The following PHLPP1 variants were observed in gnomAD, a reference collection of about 807,000 sequenced individuals.
The protein encoded by PHLPP1 is PH domain leucine-rich repeat-containing protein phosphatase 1.
In PHLPP1, 42 loss-of-function variants were observed where a neutral mutation model predicts 117.2. That is an observed-to-expected ratio of 0.36 (90% CI 0.28 to 0.46). The LOEUF (loss-of-function observed/expected upper bound fraction) is 0.46. PHLPP1 is among the 20% of genes least tolerant of loss of function. The pLI is 1.00. For missense variants in PHLPP1, 2,084 were observed against 2,241.9 expected (o/e 0.93, Z 1.42); for synonymous variants, 1,042 against 970.7 (o/e 1.07, Z -1.37).
chr18:62,874,675 A>G (rs1185929176), intron 4 of PHLPP1, among the ~76,000 whole-genome samples: 7 of 151,370 alleles, frequency 4.6e-5, no homozygotes, highest in African/African-American at 1.5e-4. Context: ...ACACACACAC[A>G]CACACACACA....
chr18:62,740,199 A>T (rs1256648067), intron 1 of PHLPP1, among the ~76,000 whole-genome samples: 1 of 152,200 alleles, frequency 6.6e-6, no homozygotes, highest in South Asian at 2.1e-4. Flanking sequence ...GAAAGGCAGG[A>T]TGTTCAGAAG....
chr18:62,759,550 A>T (rs1046960473), intron 1 of PHLPP1, among the ~76,000 whole-genome samples: 1 of 152,260 alleles, frequency 6.6e-6, no homozygotes, highest in Non-Finnish European at 1.5e-5. Flanking sequence ...TCTTGAACAT[A>T]CTAAATATTT....
intron 1 of PHLPP1, among the ~76,000 whole-genome samples, chr18:62,802,927 A>G (rs1913827860): frequency 6.6e-6 from 1 of 152,214 alleles, no homozygotes; most frequent in African/African-American, 2.4e-5. Flanking sequence ...TTGGTAAGGA[A>G]CGGCATGTTG....
chr18:62,867,347 C>T (rs1002540592), intron 4 of PHLPP1, among the ~76,000 whole-genome samples: 6 of 152,204 alleles, frequency 3.9e-5, no homozygotes, highest in Non-Finnish European at 8.8e-5. Context: ...TCTCACGCCC[C>T]ATCTACCCCA....
At chr18:62,743,193 T>G (rs906083574) in intron 1 of PHLPP1, among the ~76,000 whole-genome samples, 17 of 152,332 alleles carry the variant, frequency 1.1e-4, no homozygotes, top group African/African-American at 3.8e-4. Context: ...AGTATTATTT[T>G]CTGTTCTTTT....
rs1300358928 is a variant in PHLPP1 at position 62,975,380 on chromosome 18, CT to C, written c.3756-16del. The C allele has an allele frequency of 6.3e-6, 10 of 1,583,454 alleles. No individual in the cohort carries two copies. The highest frequency in any genetic ancestry group is 8.7e-6 in the Non-Finnish European group (10 of 1,153,384). On this transcript the variant is annotated splice_polypyrimidine_tract_variant and intron_variant, in intron 15 of 16. Coordinates refer to ENST00000262719, the MANE Select transcript of PHLPP1 (RefSeq NM_194449.4). ...ATGGGCTGTGTTTGAGTGTCACCCC[CT>C]CTCTTCGGATTCCAGGAAACTTGGA...
At chr18:62,777,558 C>G (rs1912998239) in intron 1 of PHLPP1, among the ~76,000 whole-genome samples, 1 of 151,118 alleles carries the variant, frequency 6.6e-6, no homozygotes, top group Admixed American at 6.6e-5. Flanking sequence ...TTTTGAAAAG[C>G]AGAAGTTAAA....
Position 62,850,185 on chromosome 18 carries a change from T to C in PHLPP1, c.1900-10250T>C, listed in dbSNP as rs537252180. On this transcript the variant is annotated intron_variant, in intron 3 of 16. Transcript: ENST00000262719. Reference sequence around the variant, plus strand: ...CAGGTGGATCACAAGGTCAGGAGTTTGAGACCAGCCTGGCCAACATGGTGA... The same window carrying C: ...CAGGTGGATCACAAGGTCAGGAGTTCGAGACCAGCCTGGCCAACATGGTGA... 1.7e-4 allele frequency among the ~76,000 whole-genome samples: 26 copies of C among 151,638 alleles called. No homozygotes were observed. In the South Asian group the frequency reaches 5.2e-3, roughly 30 times the overall value.
intron 1 of PHLPP1, among the ~76,000 whole-genome samples, chr18:62,825,915 G>A (rs7229841): frequency 0.2 from 30,774 of 152,018 alleles, 4,438 homozygotes; most frequent in African/African-American, 0.41. Flanking sequence ...AAGAAGAGAT[G>A]AAAAAGATAA....
At chr18:62,802,526 C>T (rs1157888502) in intron 1 of PHLPP1, among the ~76,000 whole-genome samples, 1 of 152,162 alleles carries the variant, frequency 6.6e-6, no homozygotes, top group Non-Finnish European at 1.5e-5. Flanking sequence ...GTAGGGATAG[C>T]AGGACATGGA....
intron 1 of PHLPP1, among the ~76,000 whole-genome samples, chr18:62,795,354 T>G (rs1237484178): frequency 6.6e-6 from 1 of 151,624 alleles, no homozygotes; most frequent in Non-Finnish European, 1.5e-5. Context: ...GGCGTGCGCC[T>G]GTAGTCCCAG....
Position 62,979,480 on chromosome 18 carries a change from C to T in PHLPP1, c.*49C>T. 6.6e-7 allele frequency: 1 copy of T among 1,525,280 alleles called. No individual in the cohort carries two copies. 94.5% of individuals were successfully genotyped at this position (1,525,280 alleles called of 1,614,324 possible). A position where few individuals can be genotyped will look rare whatever the true frequency, so the allele number is the denominator to read the frequency against. On this transcript the variant is annotated 3_prime_UTR_variant, in exon 17 of 17. Coordinates refer to ENST00000262719, the MANE Select transcript of PHLPP1 (RefSeq NM_194449.4). ...AAACTAACCACAAAAGACTGAGTTGCAAGAGTCTCCCAGGCTCACATTAAA... is the reference window on the plus strand; with the variant it reads ...AAACTAACCACAAAAGACTGAGTTGTAAGAGTCTCCCAGGCTCACATTAAA...
rs1911166342 is a variant in PHLPP1 at position 62,975,594 on chromosome 18, G to A, written c.3953G>A (p.Arg1318Lys). 6.2e-7 allele frequency: 1 copy of A among 1,613,204 alleles called. No homozygotes were observed. The highest frequency in any genetic ancestry group is 8.5e-7 in the Non-Finnish European group (1 of 1,179,140). The change falls in exon 16 of 17, where the codon AGG becomes AAG. Residue 1318 changes from arginine (R) to lysine (K), a missense_variant. By Grantham distance (26) the Arg-to-Lys change is conservative. Around this residue, in one of 2 missense-constraint regions of PHLPP1, gnomAD observed 1,365 missense variants for 1,605.9 expected, o/e 0.85. Coordinates refer to ENST00000262719, the MANE Select transcript of PHLPP1 (RefSeq NM_194449.4). ...ATGAGCTGTGAAGAAGAGCTGAAGA[G>A]GATTAAACAGCACAAGGCCATTATC... ...YIMSCEEELK[R>K]IKQHKAIITE...
chr18:62,926,760 C>T (rs1397706314), intron 10 of PHLPP1, among the ~76,000 whole-genome samples: 2 of 152,182 alleles, frequency 1.3e-5, no homozygotes, highest in African/African-American at 4.8e-5. Context: ...TTGCACCCTA[C>T]TGAGCTAGAG....
chr18:62,895,170 A>G lies in PHLPP1; in HGVS notation c.2213+13A>G. 1.9e-6 allele frequency: 3 copies of G among 1,611,720 alleles called. No individual in the cohort carries two copies. Among genetic ancestry groups the G allele is most frequent in the Non-Finnish European group, 1.7e-6 (2 of 1,178,654 alleles). On this transcript the variant is annotated intron_variant, in intron 5 of 16. Coordinates refer to ENST00000262719, the MANE Select transcript of PHLPP1 (RefSeq NM_194449.4). ...GAGTGATGCACAAGTGTGTACTTCA[A>G]ACCCCACTGGCGGGTATATCCAGAA...
intron 1 of PHLPP1, among the ~76,000 whole-genome samples, chr18:62,788,240 C>T (rs1057319041): frequency 9.2e-5 from 14 of 152,068 alleles, no homozygotes; most frequent in African/African-American, 3.4e-4. Flanking sequence ...GAGGTGGATC[C>T]GCTTTCACTG....
chr18:62,887,742 A>AT (rs1916317408), intron 4 of PHLPP1, among the ~76,000 whole-genome samples: 1 of 151,602 alleles, frequency 6.6e-6, no homozygotes, highest in Non-Finnish European at 1.5e-5. Context: ...TTTTTATTTT[A>AT]TTTTTTCTTT....
intron 12 of PHLPP1, among the ~76,000 whole-genome samples, chr18:62,946,660 C>T (rs1205272701): frequency 3.3e-5 from 5 of 152,300 alleles, no homozygotes; most frequent in African/African-American, 2.4e-5. Flanking sequence ...TGTGTGCGCA[C>T]GCATGTGCAC....
rs777347053 is a variant in PHLPP1 at position 62,838,900 on chromosome 18, A to G, written c.1890A>G (p.Gln630=). Residue 630 remains glutamine, a synonymous_variant, in exon 3 of 17, where the codon CAA becomes CAG. Coordinates refer to ENST00000262719, the MANE Select transcript of PHLPP1 (RefSeq NM_194449.4). The part of the protein sequence containing the change: ...TFTEYLRWLR[Q]VSKVASQRIS... ...CAGAATACTTAAGGTGGCTGCGACA[A>G]GTCTCCAAGGTAAGCAAGCACTTAA... is the stretch of plus-strand genomic sequence containing the variant. 5.6e-6 allele frequency: 9 copies of G among 1,613,758 alleles called. No individual in the cohort carries two copies. In the Admixed American group the frequency reaches 1.5e-4, roughly 27 times the overall value.
Sources: allele counts gnomAD v4.1 joint callset (sites outside exome capture counted in the v4.1 genomes callset), GRCh38; gene constraint gnomAD v4.1.1; regional missense constraint gnomAD v4.1.1; transcripts MANE v1.5; gene names NCBI Gene and HGNC (gene_info 2026-07-23, HGNC 2026-07-21).